Variants in TNRC6A observed in about 807,000 individuals in gnomAD.
TNRC6A encodes the protein trinucleotide repeat containing adaptor 6A.
In TNRC6A, 44 loss-of-function variants were observed where a neutral mutation model predicts 221.2. That is an observed-to-expected ratio of 0.20 (90% CI 0.16 to 0.26). The LOEUF (loss-of-function observed/expected upper bound fraction) is 0.26. TNRC6A is among the 10% of genes least tolerant of loss of function. The pLI is 1.00. For synonymous variants in TNRC6A, 847 were observed against 838.5 expected (o/e 1.01, Z -0.18); for missense variants, 2,199 against 2,404.4 (o/e 0.91, Z 1.79).
chr16:24,634,594 T>C (rs1411565898), intron 1 of TNRC6A, among the ~76,000 whole-genome samples: 1 of 152,204 alleles, frequency 6.6e-6, no homozygotes, highest in Non-Finnish European at 1.5e-5. Context: ...GTATGACTTA[T>C]TCGGCCATCG....
At chr16:24,797,622 T>G (rs767806409) in intron 10 of TNRC6A, 52 bp downstream of exon 10, 1 of 1,347,838 alleles carries the variant, frequency 7.4e-7, no homozygotes, top group Non-Finnish European at 1.0e-6. Context: ...GGTCCATGAT[T>G]TATCTTGATT....
chr16:24,714,020 T>A (rs1275240786), intron 2 of TNRC6A, among the ~76,000 whole-genome samples: 1 of 152,224 alleles, frequency 6.6e-6, no homozygotes. Flanking sequence ...TGGGTATGTG[T>A]GTGTCTGTTT....
At chr16:24,709,066 G>T (rs553459371) in intron 2 of TNRC6A, among the ~76,000 whole-genome samples, 4 of 152,194 alleles carry the variant, frequency 2.6e-5, no homozygotes, top group Non-Finnish European at 2.9e-5. Context: ...AGACCAGCCT[G>T]ATCAACATGG....
At chr16:24,728,761 ATC>A (rs1306053226), upstream of TNRC6A, among the ~76,000 whole-genome samples, 2 of 152,214 alleles carry the variant, frequency 1.3e-5, no homozygotes, top group Non-Finnish European at 2.9e-5. Context: ...ACACATATGC[ATC>A]TGTGTCTACA....
rs371397221 is a variant in TNRC6A, at chr16:24,791,736, C to G, written c.3094C>G (p.Arg1032Gly). ...WNKNVPNGNS[R>G]SDQQAQVHQL... ...CAAAAACGTCCCAAATGGCAACAGC[C>G]GTTCAGACCAGCAAGCACAGGTACA... Residue 1032 changes from arginine (R) to glycine (G), a missense_variant, in exon 6 of 25, where the codon CGT becomes GGT. Coordinates refer to ENST00000395799, the MANE Select transcript of TNRC6A (RefSeq NM_014494.4). 6.2e-7 allele frequency: 1 copy of G among 1,612,602 alleles called. No homozygotes were observed. Among genetic ancestry groups the G allele is most frequent in the Non-Finnish European group, 8.5e-7 (1 of 1,179,460 alleles).
chr16:24,814,587 G>A (rs2058618412), intron 18 of TNRC6A, among the ~76,000 whole-genome samples: 1 of 151,446 alleles, frequency 6.6e-6, no homozygotes, highest in South Asian at 2.1e-4. Flanking sequence ...GCTAATTTTT[G>A]TATTTTTAGT....
At chr16:24,632,893 C>A (rs1901421041) in intron 1 of TNRC6A, among the ~76,000 whole-genome samples, 1 of 151,754 alleles carries the variant, frequency 6.6e-6, no homozygotes, top group African/African-American at 2.4e-5. Flanking sequence ...CATGTAATCC[C>A]AGCTACTTAG....
intron 2 of TNRC6A, among the ~76,000 whole-genome samples, chr16:24,658,672 T>C (rs1473979306): frequency 1.3e-5 from 2 of 152,088 alleles, no homozygotes; most frequent in Non-Finnish European, 2.9e-5. Flanking sequence ...CTGTTTCTAA[T>C]GTTGTGTTTT....
rs182322607 is a variant in TNRC6A, at chr16:24,709,990, G to T, written n.403-40736G>T. 4.1e-4 allele frequency among the ~76,000 whole-genome samples: 62 copies of T among 152,140 alleles called. 1 individual carries two copies. The East Asian group carries it at 0.012, about 29-fold the overall frequency. Reference sequence around the variant, plus strand: ...CACCTGTAATCCCAGCACTTTGAGAGCCCAAGGCAGGCAGAGCACCTGAGG... The same window carrying T: ...CACCTGTAATCCCAGCACTTTGAGATCCCAAGGCAGGCAGAGCACCTGAGG... On this transcript the variant is annotated intron_variant and non_coding_transcript_variant, in intron 2 of 2. Transcript: ENST00000566108.
At chr16:24,747,760 C>T (rs192436983) in intron 2 of TNRC6A, among the ~76,000 whole-genome samples, 1 of 152,256 alleles carries the variant, frequency 6.6e-6, no homozygotes, top group Admixed American at 6.5e-5. Flanking sequence ...TCGGCTGATA[C>T]TGTGATATTT....
At chr16:24,659,863 A>T (rs1319926114) in intron 2 of TNRC6A, among the ~76,000 whole-genome samples, 1 of 152,342 alleles carries the variant, frequency 6.6e-6, no homozygotes, top group East Asian at 1.9e-4. Flanking sequence ...ATAGGCACAT[A>T]AAAGATGTAT....
chr16:24,807,984 T>C (rs1299366478), intron 17 of TNRC6A, among the ~76,000 whole-genome samples: 2 of 152,204 alleles, frequency 1.3e-5, no homozygotes, highest in Non-Finnish European at 2.9e-5. Context: ...TACCACAGAC[T>C]CTCACCTGGG....
chr16:24,655,317 T>C (rs1223381501), intron 2 of TNRC6A, among the ~76,000 whole-genome samples: 1 of 152,166 alleles, frequency 6.6e-6, no homozygotes, highest in Non-Finnish European at 1.5e-5. Flanking sequence ...GAAATTCTGC[T>C]TTGTGGTTTT....
chr16:24,647,125 G>T (rs1265103717), intron 2 of TNRC6A, among the ~76,000 whole-genome samples: 1 of 151,918 alleles, frequency 6.6e-6, no homozygotes, highest in Non-Finnish European at 1.5e-5. Context: ...AGAGACAGGG[G>T]TTCACCATGT....
At chr16:24,666,668 AAT>A (rs1555487102) in intron 2 of TNRC6A, among the ~76,000 whole-genome samples, 2,794 of 65,116 alleles carry the variant, frequency 0.043, 133 homozygotes, top group East Asian at 0.1. Flanking sequence ...AAAAAAAAAA[AAT>A]ATATATATAT....
intron 1 of TNRC6A, among the ~76,000 whole-genome samples, chr16:24,613,796 A>T (rs1198575855): frequency 6.6e-6 from 1 of 152,154 alleles, no homozygotes; most frequent in African/African-American, 2.4e-5. Context: ...TTGGCTTCCC[A>T]AAGTGCTGGG....
At chr16:24,774,208 G>T (rs1006402578) in intron 4 of TNRC6A, among the ~76,000 whole-genome samples, 4 of 152,014 alleles carry the variant, frequency 2.6e-5, no homozygotes, top group African/African-American at 9.7e-5. Context: ...ATTGATATTT[G>T]TTACCTAGCA....
At chr16:24,612,906 A>C (rs1900126429) in intron 1 of TNRC6A, among the ~76,000 whole-genome samples, 4 of 152,050 alleles carry the variant, frequency 2.6e-5, no homozygotes, top group Admixed American at 2.6e-4. Context: ...ATATTGTTTC[A>C]AAGTGGGGCA....
intron 1 of TNRC6A, among the ~76,000 whole-genome samples, chr16:24,636,081 A>T (rs2141713571): frequency 6.6e-6 from 1 of 152,338 alleles, no homozygotes; most frequent in African/African-American, 2.4e-5. Context: ...TGCCAGCAAA[A>T]GCCAGATTGC....
Sources: allele counts gnomAD v4.1 joint callset (sites outside exome capture counted in the v4.1 genomes callset), GRCh38; gene constraint gnomAD v4.1.1; transcripts MANE v1.5; gene names NCBI Gene and HGNC (gene_info 2026-07-23, HGNC 2026-07-21).